Variants in PRKCI observed in about 807,000 individuals in gnomAD.
PRKCI encodes protein kinase C iota type.
PRKCI carries 43 observed loss-of-function variants against 84.0 expected under a neutral mutation model. The observed-to-expected ratio is 0.51, with a 90% confidence interval of 0.40 to 0.66. The LOEUF (loss-of-function observed/expected upper bound fraction) is 0.66, where lower values mean the gene tolerates loss of function less well. Ranked by LOEUF, PRKCI falls within the 30% of genes least tolerant of loss-of-function variation. The probability of loss-of-function intolerance (pLI) is 0.00; values close to 1 mark genes in which losing one functional copy is unlikely to be tolerated. For missense variants in PRKCI, 459 were observed against 745.6 expected (o/e 0.62, Z 4.48); for synonymous variants, 216 against 234.4 (o/e 0.92, Z 0.72).
intron 2 of PRKCI, among the ~76,000 whole-genome samples, chr3:170,237,060 A>G (rs933125267): frequency 3.3e-5 from 5 of 152,178 alleles, no homozygotes; most frequent in African/African-American, 4.8e-5. Flanking sequence ...TACATCTGCA[A>G]TGTTTGACAT....
intron 8 of PRKCI, among the ~76,000 whole-genome samples, chr3:170,279,746 G>A (rs1413686409): frequency 1.3e-5 from 2 of 152,142 alleles, no homozygotes. Flanking sequence ...TATGTATCAA[G>A]CTTCCAGCAG....
intron 2 of PRKCI, among the ~76,000 whole-genome samples, chr3:170,243,764 T>C (rs1218534388): frequency 6.6e-6 from 1 of 152,170 alleles, no homozygotes; most frequent in African/African-American, 2.4e-5. Flanking sequence ...GGGTACTGTA[T>C]TCCAATTAGA....
chr3:170,239,213 A>G (rs1733057267), intron 2 of PRKCI, among the ~76,000 whole-genome samples: 1 of 152,202 alleles, frequency 6.6e-6, no homozygotes, highest in South Asian at 2.1e-4. Flanking sequence ...CTAACCTGGT[A>G]TTTCAAATTT....
At chr3:170,272,115 G>A (rs541755904) in intron 6 of PRKCI, among the ~76,000 whole-genome samples, 3 of 152,248 alleles carry the variant, frequency 2.0e-5, no homozygotes, top group Middle Eastern at 3.4e-3. Flanking sequence ...AATTACAGGC[G>A]TGAGCCACTG....
intron 6 of PRKCI, 65 bp downstream of exon 6, chr3:170,270,626 A>G: frequency 6.7e-7 from 1 of 1,493,270 alleles, no homozygotes; most frequent in Non-Finnish European, 8.9e-7. Flanking sequence ...CTGCTATAAC[A>G]GAGTGCTAAA....
intron 3 of PRKCI, among the ~76,000 whole-genome samples, chr3:170,261,609 A>G (rs1221552233): frequency 2.0e-5 from 3 of 151,782 alleles, no homozygotes; most frequent in African/African-American, 7.3e-5. Context: ...TCAGCCTCCA[A>G]AGTACTTGGG....
intron 16 of PRKCI, 28 bp from the exon 17 acceptor site, chr3:170,298,967 T>G: frequency 4.9e-5 from 71 of 1,451,014 alleles, no homozygotes; most frequent in Non-Finnish European, 6.1e-5. Context: ...AATACAGACT[T>G]GAGCTGTCAT....
chr3:170,272,833 C>T (rs2108854838), intron 6 of PRKCI, among the ~76,000 whole-genome samples: 1 of 152,210 alleles, frequency 6.6e-6, no homozygotes, highest in Admixed American at 6.5e-5. Context: ...TTTGGGGCCA[C>T]TGACACCCTT....
intron 1 of PRKCI, among the ~76,000 whole-genome samples, chr3:170,229,478 A>AT (rs1217825404): frequency 6.6e-6 from 1 of 152,004 alleles, no homozygotes; most frequent in Non-Finnish European, 1.5e-5. Context: ...GGCTCAGCTA[A>AT]TTTTTTTTAA....
In PRKCI at chr3:170,222,489, G is replaced by A; in HGVS notation, c.-181G>A. 2.0e-6 allele frequency: 1 copy of A among 496,754 alleles called. No individual in the cohort carries two copies. The highest frequency in any genetic ancestry group is 3.4e-6 in the Non-Finnish European group (1 of 293,812). 30.8% of individuals were successfully genotyped at this position (496,754 alleles called of 1,614,324 possible). On this transcript the variant is annotated 5_prime_UTR_variant, in exon 1 of 18. Transcript: ENST00000295797. ...GCGGCGCCTACGGGCAGTGGGAGGA[G>A]CCGCGCGGTTCCGGCTGCTCCGGCG... is the stretch of plus-strand genomic sequence containing the variant.
chr3:170,252,563 A>G (rs1159365840), intron 2 of PRKCI, among the ~76,000 whole-genome samples: 1 of 151,776 alleles, frequency 6.6e-6, no homozygotes, highest in Non-Finnish European at 1.5e-5. Flanking sequence ...CTGTTGTGCT[A>G]TCAAGTACTA....
intron 11 of PRKCI, among the ~76,000 whole-genome samples, chr3:170,283,813 T>C (rs914960511): frequency 1.3e-5 from 2 of 152,224 alleles, no homozygotes; most frequent in Admixed American, 6.5e-5. Context: ...ATCATGATAA[T>C]GTGCCACCAA....
chr3:170,247,702 C>T (rs1167134294), intron 2 of PRKCI, among the ~76,000 whole-genome samples: 3 of 135,086 alleles, frequency 2.2e-5, no homozygotes, highest in African/African-American at 8.7e-5. Context: ...TGCACTCCAG[C>T]CTGGGCAACA....
intron 1 of PRKCI, among the ~76,000 whole-genome samples, chr3:170,228,822 A>C (rs1262735946): frequency 6.6e-6 from 1 of 152,182 alleles, no homozygotes; most frequent in East Asian, 1.9e-4. Context: ...AACAGTAAAC[A>C]GTAAAACCCA....
At chr3:170,224,341 T>C (rs1310278108) in intron 1 of PRKCI, among the ~76,000 whole-genome samples, 1 of 152,078 alleles carries the variant, frequency 6.6e-6, no homozygotes, top group African/African-American at 2.4e-5. Context: ...TTATTTTAAA[T>C]CAGTACCAAG....
chr3:170,293,622 T>C (rs777025202), intron 14 of PRKCI, 114 bp downstream of exon 14: 2 of 1,167,302 alleles, frequency 1.7e-6, no homozygotes, highest in Non-Finnish European at 2.4e-6. Context: ...CTGGAAAATA[T>C]AATCCTGACT....
intron 1 of PRKCI, among the ~76,000 whole-genome samples, chr3:170,234,132 A>G (rs1322382003): frequency 6.8e-6 from 1 of 146,844 alleles, no homozygotes; most frequent in African/African-American, 2.5e-5. Context: ...CCCGGGTTCA[A>G]GCGATTCTTC....
intron 13 of PRKCI, 90 bp downstream of exon 13, chr3:170,292,031 T>C (rs1156743749): frequency 9.1e-6 from 8 of 882,286 alleles, no homozygotes; most frequent in Non-Finnish European, 1.1e-5. Flanking sequence ...CTAATGCATT[T>C]TGACGTGATC....
At chr3:170,252,914 A>G (rs1293829298) in intron 2 of PRKCI, among the ~76,000 whole-genome samples, 2 of 152,098 alleles carry the variant, frequency 1.3e-5, no homozygotes, top group Non-Finnish European at 1.5e-5. Flanking sequence ...TCTACTCTCT[A>G]TCTCCATGAG....
Sources: gnomAD v4.1 joint callset for allele counts (sites outside exome capture counted in the v4.1 genomes callset) on GRCh38, gnomAD v4.1.1 for gene constraint, MANE v1.5 for transcripts, NCBI Gene and HGNC (gene_info 2026-07-23, HGNC 2026-07-21) for gene names.